Variants in NARS2 observed in about 807,000 individuals in gnomAD.
NARS2 encodes asparaginyl-tRNA synthetase 2, mitochondrial.
A neutral mutation model predicts 62.9 loss-of-function variants in NARS2; 60 were observed. The observed-to-expected ratio is 0.95, with a 90% CI of 0.77 to 1.18. The LOEUF (loss-of-function observed/expected upper bound fraction) is 1.18, where lower values mean the gene tolerates loss of function less well. Among genes scored for constraint, NARS2 ranks in the 50% most tolerant of loss-of-function variants. The pLI is 0.00. For synonymous variants in NARS2, 196 were observed against 200.0 expected (o/e 0.98, Z 0.17); for missense variants, 619 against 576.4 (o/e 1.07, Z -0.76).
chr11:78,559,627 A>G lies in NARS2; in HGVS notation c.514-8T>C, dbSNP rs1856488623. ...ATGTACAAAGCCACTGTCCTGAAAA[A>G]GAAAACCACTGTTTTCAGGATATTT... On this transcript the variant is annotated splice_region_variant and splice_polypyrimidine_tract_variant and intron_variant, in intron 4 of 13. Transcript: ENST00000281038. The G allele has an allele frequency of 6.3e-7, 1 of 1,583,240 alleles. No homozygotes were observed. Among genetic ancestry groups the G allele is most frequent in the Middle Eastern group, 1.7e-4 (1 of 6,000 alleles).
At chr11:78,488,960 T>A (rs1859694917) in intron 7 of NARS2, among the ~76,000 whole-genome samples, 1 of 152,114 alleles carries the variant, frequency 6.6e-6, no homozygotes. Context: ...AGAACTTCTG[T>A]CTAACGTTAC....
intron 10 of NARS2, among the ~76,000 whole-genome samples, chr11:78,468,105 T>C (rs1201051789): frequency 1.3e-5 from 2 of 151,202 alleles, no homozygotes; most frequent in Non-Finnish European, 2.9e-5. Flanking sequence ...CCCAGTTACT[T>C]GGCAGGCTGA....
chr11:78,506,659 T>G (rs1468597780), intron 6 of NARS2, among the ~76,000 whole-genome samples: 1 of 152,188 alleles, frequency 6.6e-6, no homozygotes, highest in African/African-American at 2.4e-5. Context: ...CTCAGCCTCC[T>G]GAGTAGCTGG....
intron 1 of NARS2, 89 bp downstream of exon 1, chr11:78,574,259 C>T (rs1214220179): frequency 8.4e-6 from 13 of 1,556,122 alleles, no homozygotes; most frequent in Non-Finnish European, 1.2e-5. Flanking sequence ...GCGGTTGTGT[C>T]TGACCCGACT....
intron 4 of NARS2, among the ~76,000 whole-genome samples, chr11:78,560,012 C>T (rs1171095099): frequency 1.3e-5 from 2 of 152,180 alleles, no homozygotes; most frequent in Non-Finnish European, 2.9e-5. Flanking sequence ...GGTGATTTAA[C>T]AAACACATAC....
At chr11:78,511,679 T>C (rs12419066) in intron 6 of NARS2, among the ~76,000 whole-genome samples, 98,184 of 151,090 alleles carry the variant, frequency 0.65, 35,039 homozygotes, top group Non-Finnish European at 0.81. Flanking sequence ...ATCGCCCCAC[T>C]GCACTCCAGC....
At position 78,563,829 on chromosome 11, in the gene NARS2, C is replaced by CAAA. The variant is rs1167838676; in HGVS notation, c.513+2300_513+2302dup. ...CTGGGCAACAGAGTGAACTCTGTAT[C>CAAA]AAAAAAAAAAAAAAAAAAAAAAATA... On this transcript the variant is annotated intron_variant, in intron 4 of 13. Coordinates refer to ENST00000281038, the MANE Select transcript of NARS2 (RefSeq NM_024678.6). Among the ~76,000 whole-genome samples, 36 of 14,112 alleles carry CAAA rather than the reference C, an allele frequency of 2.6e-3. 2 individuals carry two copies. Among genetic ancestry groups the CAAA allele is most frequent in the Admixed American group, 9.2e-3 (6 of 654 alleles). 9.3% of individuals were successfully genotyped at this position (14,112 alleles called of 152,430 possible).
rs1470870570 is a variant in NARS2 at position 78,551,142 on chromosome 11, T to C, written c.594+8397A>G. 5.3e-5 allele frequency among the ~76,000 whole-genome samples: 8 copies of C among 152,216 alleles called. No homozygotes were observed. In the East Asian group the frequency reaches 1.5e-3, roughly 29 times the overall value. ...ATGTCCTCAAATTAGACCGTGGTGA[T>C]TGGCTGTACAACCCTGAGAACATAC... On this transcript the variant is annotated intron_variant, in intron 5 of 13. Coordinates refer to ENST00000281038, the MANE Select transcript of NARS2 (RefSeq NM_024678.6).
chr11:78,466,090 C>T, intron 10 of NARS2, 77 bp from the exon 11 acceptor site: 1 of 1,448,780 alleles, frequency 6.9e-7, no homozygotes, highest in South Asian at 1.4e-5. Context: ...AAATAACCTG[C>T]ATCAATTCTA....
At chr11:78,493,708 T>C (rs959432656) in intron 6 of NARS2, among the ~76,000 whole-genome samples, 1 of 151,698 alleles carries the variant, frequency 6.6e-6, no homozygotes, top group Non-Finnish European at 1.5e-5. Flanking sequence ...GTTACATTTA[T>C]AGAAACCATT....
chr11:78,571,086 T>C (rs1272756663), intron 2 of NARS2, among the ~76,000 whole-genome samples: 1 of 152,052 alleles, frequency 6.6e-6, no homozygotes, highest in Non-Finnish European at 1.5e-5. Context: ...GAGCCGCAGG[T>C]AATTAAGAAA....
chr11:78,522,554 T>C (rs1187374889), intron 6 of NARS2, among the ~76,000 whole-genome samples: 1 of 152,138 alleles, frequency 6.6e-6, no homozygotes, highest in Non-Finnish European at 1.5e-5. Flanking sequence ...ATTTACTTAC[T>C]AAGGTTAATA....
intron 11 of NARS2, among the ~76,000 whole-genome samples, chr11:78,457,401 A>G (rs974788442): frequency 6.6e-6 from 1 of 152,116 alleles, no homozygotes; most frequent in African/African-American, 2.4e-5. Flanking sequence ...GCCAGTTATT[A>G]CAGCCCTACT....
At chr11:78,560,351 T>C (rs867298967) in intron 4 of NARS2, among the ~76,000 whole-genome samples, 17 of 152,224 alleles carry the variant, frequency 1.1e-4, no homozygotes, top group African/African-American at 3.4e-4. Flanking sequence ...AGTCTGAGAC[T>C]ATTTCCATTA....
intron 6 of NARS2, among the ~76,000 whole-genome samples, chr11:78,518,920 C>T (rs1175806169): frequency 6.6e-6 from 1 of 152,112 alleles, no homozygotes; most frequent in African/African-American, 2.4e-5. Flanking sequence ...AGTAGAAAGT[C>T]GTTATTTCAG....
At chr11:78,563,279 G>T (rs112763835) in intron 4 of NARS2, among the ~76,000 whole-genome samples, 2,496 of 144,276 alleles carry the variant, frequency 0.017, 67 homozygotes, top group African/African-American at 0.062. Flanking sequence ...GTGCAGTGGC[G>T]CAATCTCGGT....
At chr11:78,552,371 A>C (rs368435507) in intron 5 of NARS2, among the ~76,000 whole-genome samples, 19 of 151,926 alleles carry the variant, frequency 1.3e-4, no homozygotes, top group African/African-American at 4.3e-4. Context: ...TGTGTACCAT[A>C]TTTTCTTTAT....
intron 7 of NARS2, among the ~76,000 whole-genome samples, chr11:78,481,351 G>C (rs749060656): frequency 6.6e-6 from 1 of 152,140 alleles, no homozygotes; most frequent in Non-Finnish European, 1.5e-5. Context: ...TCAGCAGTGA[G>C]ATAAATAAAT....
chr11:78,468,926 C>G (rs1202603697), intron 10 of NARS2, among the ~76,000 whole-genome samples: 1 of 152,040 alleles, frequency 6.6e-6, no homozygotes, highest in East Asian at 1.9e-4. Flanking sequence ...GCCCCAACAC[C>G]TGGTCTCTAC....
Sources: gnomAD v4.1 joint callset for allele counts (sites outside exome capture counted in the v4.1 genomes callset) on GRCh38, gnomAD v4.1.1 for gene constraint, MANE v1.5 for transcripts, NCBI Gene and HGNC (gene_info 2026-07-23, HGNC 2026-07-21) for gene names.